Variants in PRKG1 observed in about 807,000 individuals in gnomAD.
PRKG1 encodes cGMP-dependent protein kinase 1.
PRKG1 carries 35 observed loss-of-function variants against 88.1 expected under a neutral mutation model. That is an observed-to-expected ratio of 0.40 (90% CI 0.30 to 0.53). The LOEUF is 0.53. Among genes scored for constraint, PRKG1 ranks in the 20% least tolerant of loss-of-function variants. The pLI, the probability that PRKG1 is intolerant of heterozygous loss-of-function variation, is 0.59. For synonymous variants in PRKG1, 303 were observed against 292.5 expected (o/e 1.04, Z -0.37); for missense variants, 540 against 839.8 (o/e 0.64, Z 4.41).
chr10:51,538,672 A>G (rs1842225757), intron 3 of PRKG1, among the ~76,000 whole-genome samples: 3 of 151,052 alleles, frequency 2.0e-5, no homozygotes, highest in Admixed American at 1.3e-4. Context: ...TAACAATGAA[A>G]AAAAAAAAAA....
intron 5 of PRKG1, among the ~76,000 whole-genome samples, chr10:51,968,820 C>CA (rs56810665): frequency 0.023 from 2,399 of 105,366 alleles, 31 homozygotes; most frequent in African/African-American, 0.039. Flanking sequence ...AAAACTCCAT[C>CA]AAAAAAAAAA....
At chr10:52,291,277 T>C (rs1466810846) in intron 17 of PRKG1, among the ~76,000 whole-genome samples, 1 of 151,828 alleles carries the variant, frequency 6.6e-6, no homozygotes, top group African/African-American at 2.4e-5. Flanking sequence ...TATTATACTT[T>C]AAGTTTTAGG....
intron 2 of PRKG1, among the ~76,000 whole-genome samples, chr10:51,308,200 T>C (rs1396388310): frequency 3.9e-5 from 6 of 152,168 alleles, no homozygotes; most frequent in Non-Finnish European, 7.4e-5. Flanking sequence ...CATTACTTTA[T>C]ATAGATTACT....
rs1588835963 is a variant in PRKG1, at chr10:51,321,366, G to A, written c.479-146357G>A. On this transcript the variant is annotated intron_variant, in intron 2 of 17. Transcript: ENST00000373980. ...TTGCACAGTACATGGCACATAAGAA[G>A]CAAACAATAACTATTAACCATACTT... Among the ~76,000 whole-genome samples the A allele has an allele frequency of 3.9e-5, 6 of 152,242 alleles. No homozygotes were observed. The South Asian group carries it at 1.2e-3, about 32-fold the overall frequency.
At position 51,970,574 on chromosome 10, in the gene PRKG1, T is replaced by TA. The variant is rs1195059711; in HGVS notation, c.762+63004_762+63005insA. Among the ~76,000 whole-genome samples the TA allele has an allele frequency of 1.0e-4, 15 of 150,730 alleles. No individual in the cohort carries two copies. The East Asian group carries it at 2.9e-3, about 29-fold the overall frequency. On this transcript the variant is annotated intron_variant, in intron 5 of 17. Coordinates refer to ENST00000373980, the MANE Select transcript of PRKG1 (RefSeq NM_006258.4). The stretch of plus-strand genomic sequence containing the variant: ...GCTTCAACAATCATCAACTTTTATT[T>TA]TTTTATTTATTTAGTTTTTGCTATC...
rs183618580 is a variant in PRKG1 at position 51,659,242 on chromosome 10, T to G, written c.593-145343T>G. On this transcript the variant is annotated intron_variant, in intron 3 of 17. Transcript: ENST00000373980. ...GTAGAGAACAAGCATAAATATACCC[T>G]AAAATGACAATGTTCCCTAAAACAA... is the stretch of plus-strand genomic sequence containing the variant. 3.9e-5 allele frequency among the ~76,000 whole-genome samples: 6 copies of G among 152,212 alleles called. No individual in the cohort carries two copies. The East Asian group carries it at 1.2e-3, about 29-fold the overall frequency.
chr10:51,760,407 G>A (rs117728113), intron 3 of PRKG1, among the ~76,000 whole-genome samples: 1,529 of 151,368 alleles, frequency 0.01, 7 homozygotes, highest in Middle Eastern at 0.021. Context: ...ATAGCTTCCA[G>A]TCTTTAGTAG....
At chr10:51,440,140 T>C (rs1270875748) in intron 2 of PRKG1, among the ~76,000 whole-genome samples, 1 of 151,920 alleles carries the variant, frequency 6.6e-6, no homozygotes, top group African/African-American at 2.4e-5. Flanking sequence ...TCTTTTGACG[T>C]TGAGTATGAT....
At chr10:51,075,451 A>T (rs1189138682) in intron 1 of PRKG1, among the ~76,000 whole-genome samples, 1 of 152,276 alleles carries the variant, frequency 6.6e-6, no homozygotes, top group African/African-American at 2.4e-5. Context: ...AAATAGGCAT[A>T]GAAAAAGGAA....
At chr10:51,023,578 T>C (rs922897066) in intron 1 of PRKG1, among the ~76,000 whole-genome samples, 9 of 152,222 alleles carry the variant, frequency 5.9e-5, no homozygotes, top group African/African-American at 2.2e-4. Context: ...TTTTACCAGG[T>C]AGATTCACAG....
chr10:51,726,695 C>T (rs560360018), intron 3 of PRKG1, among the ~76,000 whole-genome samples: 16 of 152,244 alleles, frequency 1.1e-4, no homozygotes, highest in South Asian at 8.3e-4. Context: ...CCATGGTTAA[C>T]GTAACTGGGT....
chr10:51,903,804 A>G (rs1842029939), intron 4 of PRKG1, among the ~76,000 whole-genome samples: 1 of 152,142 alleles, frequency 6.6e-6, no homozygotes, highest in African/African-American at 2.4e-5. Context: ...TGAGTAAGCA[A>G]TCAACTCCAC....
intron 8 of PRKG1, among the ~76,000 whole-genome samples, chr10:52,151,592 G>T (rs1422351832): frequency 6.6e-6 from 1 of 152,122 alleles, no homozygotes; most frequent in Non-Finnish European, 1.5e-5. Flanking sequence ...ACTTTTGTTA[G>T]TATGGATTTT....
chr10:51,850,892 G>GA lies in PRKG1; in HGVS notation c.698+46209dup, dbSNP rs780996178. ...ATGCGTTTTAGATGTAAGTAAAAAT[G>GA]AAAAAAAGACTCTACTGGAGGGGAA... On this transcript the variant is annotated intron_variant, in intron 4 of 17. Coordinates refer to ENST00000373980, the MANE Select transcript of PRKG1 (RefSeq NM_006258.4). Among the ~76,000 whole-genome samples the GA allele has an allele frequency of 8.6e-5, 13 of 151,830 alleles. No homozygotes were observed. The East Asian group carries it at 2.5e-3, about 29-fold the overall frequency.
At chr10:52,165,327 A>G (rs912148011) in intron 9 of PRKG1, among the ~76,000 whole-genome samples, 1 of 152,188 alleles carries the variant, frequency 6.6e-6, no homozygotes, top group Non-Finnish European at 1.5e-5. Flanking sequence ...TAGTTGAACT[A>G]TCAAGTTTAA....
rs12571978 is a variant in PRKG1, at chr10:52,220,175, G to A, written c.1077-31395G>A. Among the ~76,000 whole-genome samples the A allele has an allele frequency of 3.5e-4, 54 of 152,226 alleles. No homozygotes were observed. The East Asian group carries it at 9.3e-3, about 26-fold the overall frequency. On this transcript the variant is annotated intron_variant, in intron 9 of 17. Transcript: ENST00000373980. ...TGAGTAGGATTGAAGTATGACAACT[G>A]AGGCTACATTATGAAGATGTTGTGT...
intron 3 of PRKG1, among the ~76,000 whole-genome samples, chr10:51,508,156 A>T (rs1336137670): frequency 6.6e-6 from 1 of 152,192 alleles, no homozygotes; most frequent in African/African-American, 2.4e-5. Flanking sequence ...AGATTAAATG[A>T]GACGGTACAT....
chr10:51,109,971 A>G (rs1176338806), intron 1 of PRKG1, among the ~76,000 whole-genome samples: 2 of 152,138 alleles, frequency 1.3e-5, no homozygotes, highest in African/African-American at 4.8e-5. Flanking sequence ...TAAGCATATG[A>G]ACAAATGCTC....
chr10:51,632,041 G>A (rs748773908), intron 3 of PRKG1, among the ~76,000 whole-genome samples: 1 of 152,084 alleles, frequency 6.6e-6, no homozygotes, highest in Non-Finnish European at 1.5e-5. Context: ...GCCCAGGACA[G>A]CTGTGAATGT....
Sources: allele counts gnomAD v4.1 joint callset (sites outside exome capture counted in the v4.1 genomes callset), GRCh38; gene constraint gnomAD v4.1.1; transcripts MANE v1.5; gene names NCBI Gene and HGNC (gene_info 2026-07-23, HGNC 2026-07-21).